The following IL1RAPL1 variants were observed in gnomAD, a reference collection of about 807,000 sequenced individuals.
IL1RAPL1 encodes the protein interleukin-1 receptor accessory protein-like 1.
Under a neutral mutation model 48.4 loss-of-function variants are expected in IL1RAPL1, and 3 were observed. That is an observed-to-expected ratio of 0.06 (90% confidence interval 0.03 to 0.16). The LOEUF is 0.16. IL1RAPL1 is among the 10% of genes least tolerant of loss of function. The pLI is 1.00. For missense variants in IL1RAPL1, 349 were observed against 530.6 expected, an observed-to-expected ratio of 0.66 and a Z score of 3.36; for synonymous variants, 185 against 187.7, an observed-to-expected ratio of 0.99 and a Z score of 0.12.
intron 2 of IL1RAPL1, among the ~76,000 whole-genome samples, chrX:29,059,599 G>A (rs188243155): frequency 3.9e-4 from 43 of 111,626 alleles, no homozygotes; most frequent in Admixed American, 6.7e-4. Context: ...GAACTTCTGG[G>A]ATTTCAACTG....
At chrX:28,999,750 G>A (rs901207013) in intron 2 of IL1RAPL1, among the ~76,000 whole-genome samples, 3 of 111,467 alleles carry the variant, frequency 2.7e-5, no homozygotes, top group African/African-American at 9.8e-5. Context: ...TTTTTACCCC[G>A]TAATACTAAT....
chrX:29,830,346 C>A lies in IL1RAPL1; in HGVS notation c.779-87118C>A, dbSNP rs535236014. ...ATATGAATTTTCATATACTTTAACA[C>A]TTTAATTGTGCTAATATTTTAAGTA... is the stretch of plus-strand genomic sequence containing the variant. On this transcript the variant is annotated intron_variant, in intron 6 of 10. Coordinates refer to ENST00000378993, the MANE Select transcript of IL1RAPL1 (RefSeq NM_014271.4). Among the ~76,000 whole-genome samples the A allele has an allele frequency of 3.2e-4, 35 of 111,033 alleles. No individual in the cohort carries two copies. The South Asian group carries it at 0.013, about 42-fold the overall frequency.
chrX:29,452,178 AC>A (rs1409330218), intron 5 of IL1RAPL1, among the ~76,000 whole-genome samples: 1 of 112,383 alleles, frequency 8.9e-6, no homozygotes, highest in African/African-American at 3.2e-5. Flanking sequence ...AATTATATTT[AC>A]TTTTCTAAAT....
chrX:28,916,650 G>A (rs1048113509), intron 2 of IL1RAPL1, among the ~76,000 whole-genome samples: 1 of 112,158 alleles, frequency 8.9e-6, no homozygotes, highest in African/African-American at 3.2e-5. Context: ...GACTTGGGGA[G>A]TGAGTTTTCT....
At chrX:29,705,031 T>C (rs1391838721) in intron 6 of IL1RAPL1, among the ~76,000 whole-genome samples, 1 of 111,451 alleles carries the variant, frequency 9.0e-6, no homozygotes, top group African/African-American at 3.3e-5. Flanking sequence ...ATAGTGAGCA[T>C]TGTACCCTAT....
At chrX:29,130,801 A>G (rs1248619498) in intron 2 of IL1RAPL1, among the ~76,000 whole-genome samples, 1 of 111,909 alleles carries the variant, frequency 8.9e-6, no homozygotes, top group East Asian at 2.8e-4. Context: ...ATCCCACTTT[A>G]CTCCCCTTTA....
At chrX:29,606,202 C>A (rs1923887012) in intron 5 of IL1RAPL1, among the ~76,000 whole-genome samples, 1 of 111,554 alleles carries the variant, frequency 9.0e-6, no homozygotes, top group Admixed American at 9.5e-5. Flanking sequence ...AGAAATGTAC[C>A]TGCCAAATTT....
chrX:29,642,555 A>C (rs57912808), intron 5 of IL1RAPL1, among the ~76,000 whole-genome samples: 15,762 of 111,795 alleles, frequency 0.14, 924 homozygotes, highest in Middle Eastern at 0.24. Flanking sequence ...TTTTCCAGAG[A>C]ATAAGCCACT....
chrX:29,475,404 G>T (rs545553375), intron 5 of IL1RAPL1, among the ~76,000 whole-genome samples: 5 of 111,915 alleles, frequency 4.5e-5, no homozygotes, highest in African/African-American at 1.6e-4. Context: ...ATGAGTAATT[G>T]TTTTAATGAA....
At chrX:29,270,507 T>C (rs1327244819) in intron 2 of IL1RAPL1, among the ~76,000 whole-genome samples, 1 of 112,316 alleles carries the variant, frequency 8.9e-6, no homozygotes, top group Non-Finnish European at 1.9e-5. Context: ...ACCCAAATAC[T>C]CCAGCACCAT....
chrX:28,956,690 C>A (rs1174129634), intron 2 of IL1RAPL1, among the ~76,000 whole-genome samples: 3 of 107,856 alleles, frequency 2.8e-5, no homozygotes, highest in African/African-American at 1.0e-4. Flanking sequence ...ATTTTTGCAT[C>A]AATGTTCATC....
In IL1RAPL1 at chrX:28,786,794, A is replaced by C. The variant is rs779227784; in HGVS notation, c.-24-2526A>C. Among the ~76,000 whole-genome samples, 3 of 112,242 alleles carry C rather than the reference A, an allele frequency of 2.7e-5. No individual in the cohort carries two copies. In the South Asian group the frequency reaches 1.1e-3, roughly 41 times the overall value. On this transcript the variant is annotated intron_variant, in intron 1 of 10. Transcript: ENST00000378993. ...TATCCAGAAATTGAGGCCTCTTGAAATTAGTTCACCAATAGTATAAGCAAT... is the reference window on the plus strand; with the variant it reads ...TATCCAGAAATTGAGGCCTCTTGAACTTAGTTCACCAATAGTATAAGCAAT...
At chrX:29,495,891 C>G (rs1042725439) in intron 5 of IL1RAPL1, among the ~76,000 whole-genome samples, 6 of 110,729 alleles carry the variant, frequency 5.4e-5, no homozygotes, top group Non-Finnish European at 1.1e-4. Flanking sequence ...CTCTCTCTCT[C>G]TCTGTCTGTC....
chrX:28,747,509 C>T (rs766411668), intron 1 of IL1RAPL1, among the ~76,000 whole-genome samples: 11 of 110,573 alleles, frequency 9.9e-5, no homozygotes, highest in East Asian at 8.6e-4. Flanking sequence ...TGGGTGGTGG[C>T]GCACACCTGT....
At chrX:28,947,598 A>G (rs1255488037) in intron 2 of IL1RAPL1, among the ~76,000 whole-genome samples, 2 of 110,993 alleles carry the variant, frequency 1.8e-5, no homozygotes, top group Non-Finnish European at 3.8e-5. Flanking sequence ...GAAATACCTA[A>G]TGTAAATGAT....
chrX:28,624,030 A>G (rs1349894293), intron 1 of IL1RAPL1, among the ~76,000 whole-genome samples: 1 of 111,949 alleles, frequency 8.9e-6, no homozygotes. Context: ...TGAACATTTC[A>G]TATATTTTAG....
intron 5 of IL1RAPL1, among the ~76,000 whole-genome samples, chrX:29,438,341 G>A (rs1056759801): frequency 1.8e-5 from 2 of 110,897 alleles, no homozygotes; most frequent in Non-Finnish European, 3.8e-5. Flanking sequence ...TCATTGCTTC[G>A]TTAACTTTCT....
intron 2 of IL1RAPL1, among the ~76,000 whole-genome samples, chrX:29,048,618 G>C: frequency 8.9e-6 from 1 of 111,970 alleles, no homozygotes; most frequent in Non-Finnish European, 1.9e-5. Flanking sequence ...TTAATGTTTA[G>C]ATAGAGAGGA....
intron 1 of IL1RAPL1, among the ~76,000 whole-genome samples, chrX:28,631,802 T>C (rs1334588327): frequency 8.9e-6 from 1 of 112,317 alleles, no homozygotes; most frequent in African/African-American, 3.2e-5. Flanking sequence ...GAAAACCTTA[T>C]TGGGAGACAT....
Sources: allele counts gnomAD v4.1 joint callset (sites outside exome capture counted in the v4.1 genomes callset), GRCh38; gene constraint gnomAD v4.1.1; transcripts MANE v1.5; gene names NCBI Gene and HGNC (gene_info 2026-07-23, HGNC 2026-07-21).